ADK: variants seen among roughly 807,000 people sequenced by gnomAD.
ADK encodes N6,N6-dimethyladenosine kinase.
A neutral mutation model predicts 44.7 loss-of-function variants in ADK; 24 were observed. The observed-to-expected ratio is 0.54, with a 90% CI of 0.39 to 0.76. ADK has a LOEUF of 0.76. ADK is among the 30% of genes least tolerant of loss of function. The pLI, the probability that ADK is intolerant of heterozygous loss-of-function variation, is 0.00. For synonymous variants in ADK, 128 were observed against 142.6 expected (o/e 0.90, Z 0.73); for missense variants, 321 against 425.1 (o/e 0.76, Z 2.15).
At chr10:74,501,846 G>A (rs1057160293) in intron 6 of ADK, among the ~76,000 whole-genome samples, 1 of 152,092 alleles carries the variant, frequency 6.6e-6, no homozygotes, top group African/African-American at 2.4e-5. Context: ...AGGGACTTGT[G>A]GGGAGTGAGG....
At chr10:74,255,850 A>G (rs12253120) in intron 3 of ADK, among the ~76,000 whole-genome samples, 7,519 of 152,240 alleles carry the variant, frequency 0.049, 651 homozygotes, top group African/African-American at 0.17. Flanking sequence ...ATTCTTTGGC[A>G]CTGTGGAACT....
chr10:74,409,571 T>C (rs1396904894), intron 6 of ADK, among the ~76,000 whole-genome samples: 1 of 152,206 alleles, frequency 6.6e-6, no homozygotes, highest in Non-Finnish European at 1.5e-5. Flanking sequence ...CTATGTCTTA[T>C]TACAGGTCTT....
intron 7 of ADK, among the ~76,000 whole-genome samples, chr10:74,558,757 G>A (rs1850354177): frequency 6.6e-6 from 1 of 152,158 alleles, no homozygotes; most frequent in Non-Finnish European, 1.5e-5. Flanking sequence ...TGGGCCATGA[G>A]CCAAAGGATG....
At chr10:74,187,352 G>A (rs567337182) in intron 1 of ADK, among the ~76,000 whole-genome samples, 1 of 152,196 alleles carries the variant, frequency 6.6e-6, no homozygotes, top group African/African-American at 2.4e-5. Context: ...TATGAACAAT[G>A]GTGCTATAAA....
intron 9 of ADK, among the ~76,000 whole-genome samples, chr10:74,662,383 C>T (rs976723576): frequency 3.3e-5 from 5 of 152,136 alleles, no homozygotes; most frequent in Non-Finnish European, 7.3e-5. Flanking sequence ...TGGGCTCAAG[C>T]GATCCTCCCA....
chr10:74,637,902 G>C (rs1003629558), intron 9 of ADK, among the ~76,000 whole-genome samples: 1 of 152,162 alleles, frequency 6.6e-6, no homozygotes, highest in Admixed American at 6.5e-5. Context: ...GGCTTCATGA[G>C]TAATACCTAT....
chr10:74,527,452 A>T lies in ADK; in HGVS notation c.726+2026A>T, dbSNP rs570745258. ...AAGCTTAGGGAGATTGAATGCCATA[A>T]AAAATGCTATTTGGACTTTATAGTC... On this transcript the variant is annotated intron_variant, in intron 7 of 10. Coordinates refer to ENST00000539909, the MANE Select transcript of ADK (RefSeq NM_006721.4). 4 of 514,862 alleles carry T rather than the reference A, an allele frequency of 7.8e-6. No homozygotes were observed. In the East Asian group the frequency reaches 1.4e-4, roughly 18 times the overall value. The allele number at this position is 514,862 out of a possible 1,614,324, so 31.9% of individuals were successfully genotyped here. A position where few individuals can be genotyped will look rare whatever the true frequency, so the allele number is the denominator to read the frequency against.
intron 9 of ADK, among the ~76,000 whole-genome samples, chr10:74,646,534 A>G (rs906866372): frequency 1.3e-5 from 2 of 152,334 alleles, no homozygotes; most frequent in African/African-American, 4.8e-5. Context: ...CTACAAATAT[A>G]GTGAGGAAAA....
intron 3 of ADK, among the ~76,000 whole-genome samples, chr10:74,277,478 G>A (rs1286082375): frequency 8.6e-5 from 13 of 150,366 alleles, no homozygotes; most frequent in Admixed American, 8.6e-4. Context: ...CTCACTGCAA[G>A]CTCCCCCTCC....
chr10:74,419,018 C>A (rs1362320488), intron 6 of ADK, among the ~76,000 whole-genome samples: 3 of 152,058 alleles, frequency 2.0e-5, no homozygotes, highest in Non-Finnish European at 4.4e-5. Context: ...TAATGAGAGT[C>A]ACCCTTTTAT....
intron 6 of ADK, among the ~76,000 whole-genome samples, chr10:74,467,131 A>T (rs1021137827): frequency 6.6e-5 from 10 of 152,198 alleles, no homozygotes; most frequent in Non-Finnish European, 1.2e-4. Flanking sequence ...ATCTTTTTTT[A>T]AAATTATTTC....
chr10:74,345,557 C>T (rs1281361150), intron 4 of ADK, among the ~76,000 whole-genome samples: 1 of 152,168 alleles, frequency 6.6e-6, no homozygotes, highest in East Asian at 1.9e-4. Flanking sequence ...AAACCCCTGC[C>T]TTGGCATCTC....
At chr10:74,545,471 A>G (rs1447489358) in intron 7 of ADK, among the ~76,000 whole-genome samples, 2 of 152,208 alleles carry the variant, frequency 1.3e-5, no homozygotes, top group African/African-American at 4.8e-5. Flanking sequence ...GTTTCAGTCC[A>G]TGGTGTACAG....
chr10:74,523,149 T>C (rs1310942433), intron 6 of ADK, among the ~76,000 whole-genome samples: 1 of 152,218 alleles, frequency 6.6e-6, no homozygotes, highest in Non-Finnish European at 1.5e-5. Flanking sequence ...GTCCACCTCA[T>C]AGGTTTGATG....
chr10:74,682,014 G>A (rs116637829), intron 10 of ADK, among the ~76,000 whole-genome samples: 3 of 152,104 alleles, frequency 2.0e-5, no homozygotes, highest in South Asian at 4.2e-4. Context: ...AGAAGCATAC[G>A]CTAAACTTTT....
chr10:74,256,742 G>GAAA (rs1186490932), intron 3 of ADK, among the ~76,000 whole-genome samples: 1 of 152,146 alleles, frequency 6.6e-6, no homozygotes, highest in African/African-American at 2.4e-5. Context: ...GTGTAAGCAA[G>GAAA]AAAATGACCT....
chr10:74,448,184 T>TAA (rs35010757), intron 6 of ADK, among the ~76,000 whole-genome samples: 109,862 of 151,636 alleles, frequency 0.72, 40,429 homozygotes, highest in Middle Eastern at 0.86. Flanking sequence ...AAAAAATAAA[T>TAA]AAGAGTTAGG....
intron 9 of ADK, among the ~76,000 whole-genome samples, chr10:74,622,021 T>C (rs964999405): frequency 1.3e-5 from 2 of 152,234 alleles, no homozygotes; most frequent in Non-Finnish European, 2.9e-5. Flanking sequence ...CTCTGCCTTA[T>C]GGATGCCTTA....
chr10:74,708,454 C>T lies in ADK; in HGVS notation c.*9C>T. ...AGCCAGACTTCCACTGATGGAAGAG[C>T]TGAAAACACAAGCCCAGGAGTGCAG... On this transcript the variant is annotated 3_prime_UTR_variant, in exon 11 of 11. Coordinates refer to ENST00000539909, the MANE Select transcript of ADK (RefSeq NM_006721.4). 1 of 1,609,600 alleles carries T rather than the reference C, an allele frequency of 6.2e-7. No individual in the cohort carries two copies. Among genetic ancestry groups the T allele is most frequent in the Non-Finnish European group, 8.5e-7 (1 of 1,178,662 alleles).
Sources: allele counts gnomAD v4.1 joint callset (sites outside exome capture counted in the v4.1 genomes callset), GRCh38; gene constraint gnomAD v4.1.1; transcripts MANE v1.5; gene names NCBI Gene and HGNC (gene_info 2026-07-23, HGNC 2026-07-21).